STAB1: variants seen among roughly 807,000 people sequenced by gnomAD.
STAB1 encodes the protein stabilin-1.
Under a neutral mutation model 332.4 loss-of-function variants are expected in STAB1, and 250 were observed. The ratio of observed to expected loss-of-function variants is 0.75; its 90% CI spans 0.68 to 0.84. STAB1 has a LOEUF of 0.84. Ranked by LOEUF, STAB1 falls within the 40% of genes least tolerant of loss-of-function variation. STAB1 has a pLI of 0.00. For synonymous variants in STAB1, 1,475 were observed against 1,390.4 expected (o/e 1.06, Z -1.35); for missense variants, 3,249 against 3,489.7 (o/e 0.93, Z 1.74).
intron 19 of STAB1, 82 bp downstream of exon 19, chr3:52,507,757 G>A (rs1708983149): frequency 6.4e-7 from 1 of 1,570,248 alleles, no homozygotes; most frequent in African/African-American, 1.3e-5. Flanking sequence ...GTGGGTGGGG[G>A]AAGCAGAGGC....
rs372357732 is a variant in STAB1, at chr3:52,504,046, C to T, written c.1041C>T (p.Ser347=). 4 of 1,596,342 alleles carry T rather than the reference C, an allele frequency of 2.5e-6. No homozygotes were observed. The highest frequency in any genetic ancestry group is 1.8e-5 in the Admixed American group (1 of 57,034). ...DGKTSCVCRE[S]EVGDGRACYG... Reference sequence around the variant, plus strand: ...AGCCCAGCTGTGTGTGCAGGGAAAGCGAGGTGGGGGATGGGCGTGCCTGCT... The same window carrying T: ...AGCCCAGCTGTGTGTGCAGGGAAAGTGAGGTGGGGGATGGGCGTGCCTGCT... Residue 347 remains serine (S), a synonymous_variant, in exon 10 of 69, where the codon AGC becomes AGT. Coordinates refer to ENST00000321725, the MANE Select transcript of STAB1 (RefSeq NM_015136.3).
chr3:52,519,416 ACGG>A lies in STAB1; in HGVS notation c.5175+13_5175+15del. On this transcript the variant is annotated intron_variant, in intron 49 of 68. Transcript: ENST00000321725. Reference sequence around the variant, plus strand: ...CTCCCATCCCGAGGGTATGACAAGCACGGGCCTGGGAGCTGGAAGACAGGCAGG... The same window carrying A: ...CTCCCATCCCGAGGGTATGACAAGCAGCCTGGGAGCTGGAAGACAGGCAGG... The A allele has an allele frequency of 1.2e-6, 2 of 1,612,832 alleles. No individual in the cohort carries two copies. The highest frequency in any genetic ancestry group is 1.7e-6 in the Non-Finnish European group (2 of 1,179,756).
Position 52,519,584 on chromosome 3 carries a change from C to T in STAB1, c.5235+20C>T. The T allele has an allele frequency of 1.2e-6, 2 of 1,610,788 alleles. No individual in the cohort carries two copies. The highest frequency in any genetic ancestry group is 1.7e-6 in the Non-Finnish European group (2 of 1,178,806). ...CTGAAGGTACTGCTCCCGTGTGGGC[C>T]TGTCATTGTGGACACACATGCACGT... On this transcript the variant is annotated intron_variant, in intron 50 of 68. Coordinates refer to ENST00000321725, the MANE Select transcript of STAB1 (RefSeq NM_015136.3).
At chr3:52,506,349 G>A in intron 17 of STAB1, 99 bp downstream of exon 17, 1 of 1,123,586 alleles carries the variant, frequency 8.9e-7, no homozygotes, top group South Asian at 1.3e-5. Flanking sequence ...GTGGTGGGCA[G>A]GACACTGCTA....
In STAB1 at chr3:52,495,511, A is replaced by G; in HGVS notation, c.78+20A>G. 2 of 1,318,092 alleles carry G rather than the reference A, an allele frequency of 1.5e-6. No homozygotes were observed. The highest frequency in any genetic ancestry group is 2.8e-5 in the South Asian group (1 of 35,722). The allele number at this position is 1,318,092 out of a possible 1,614,324, so 81.6% of individuals were successfully genotyped here. ...GGGCAGGTAAGTGTGAGCCAGTCGC[A>G]GGGGCACACGGCGTCTGGGCCCTGC... is the stretch of plus-strand genomic sequence containing the variant. On this transcript the variant is annotated intron_variant, in intron 1 of 68. Coordinates refer to ENST00000321725, the MANE Select transcript of STAB1 (RefSeq NM_015136.3).
intron 44 of STAB1, 72 bp downstream of exon 44, chr3:52,517,696 C>T: frequency 4.4e-6 from 7 of 1,578,172 alleles, no homozygotes; most frequent in Non-Finnish European, 6.1e-6. Context: ...CAGCCCTTCT[C>T]ACCTCCAGCA....
chr3:52,496,797 T>C (rs1708059409), intron 1 of STAB1, among the ~76,000 whole-genome samples: 1 of 152,186 alleles, frequency 6.6e-6, no homozygotes, highest in Non-Finnish European at 1.5e-5. Context: ...CAGAGACCTA[T>C]GGCTCTGACC....
rs1202128616 is a variant in STAB1 at position 52,517,139 on chromosome 3, G to C, written c.4489+30G>C. ...GACTAGGCCCCTAACCTGGGTTTAT[G>C]TTGGGCTAGGGGTCTGGCTTCAGTG... is the stretch of plus-strand genomic sequence containing the variant. On this transcript the variant is annotated intron_variant, in intron 42 of 68. Transcript: ENST00000321725. 3 of 1,520,496 alleles carry C rather than the reference G, an allele frequency of 2.0e-6. No homozygotes were observed. The Admixed American group carries it at 6.5e-5, about 33-fold the overall frequency. The allele number at this position is 1,520,496 out of a possible 1,614,324, so 94.2% of individuals were successfully genotyped here.
intron 5 of STAB1, 94 bp from the exon 6 acceptor site, chr3:52,502,538 C>T (rs914940969): frequency 2.6e-6 from 3 of 1,165,264 alleles, no homozygotes; most frequent in Non-Finnish European, 3.8e-6. Context: ...CCTGCCCGAG[C>T]TGAGTTCTAA....
intron 1 of STAB1, among the ~76,000 whole-genome samples, chr3:52,498,945 G>T (rs1708239148): frequency 6.6e-6 from 1 of 152,238 alleles, no homozygotes; most frequent in Non-Finnish European, 1.5e-5. Flanking sequence ...GACCGCAGAG[G>T]CATGAGCGGA....
chr3:52,511,718 G>A lies in STAB1; in HGVS notation c.2856G>A (p.Arg952=), dbSNP rs778551877. 12 of 1,603,854 alleles carry A rather than the reference G, an allele frequency of 7.5e-6. No individual in the cohort carries two copies. Among genetic ancestry groups the A allele is most frequent in the Non-Finnish European group, 1.0e-5 (12 of 1,174,476 alleles). ...GYQCSPIDPC[R]AGNGGCHGLA... ...AGTGCAGCCCCATCGACCCCTGCCG[G>A]GCAGGCAATGGCGGCTGCCACGGCC... Residue 952 remains arginine (R), a synonymous_variant, in exon 26 of 69, where the codon CGG becomes CGA. Coordinates refer to ENST00000321725, the MANE Select transcript of STAB1 (RefSeq NM_015136.3).
Position 52,509,894 on chromosome 3 carries a change from G to A in STAB1, c.2372G>A (p.Cys791Tyr), listed in dbSNP as rs1559690485. The A allele has an allele frequency of 1.2e-6, 2 of 1,613,068 alleles. No homozygotes were observed. Among genetic ancestry groups the A allele is most frequent in the Non-Finnish European group, 8.5e-7 (1 of 1,180,024 alleles). The change falls in exon 23 of 69, where the codon TGC becomes TAC. Residue 791 changes from cysteine (C) to tyrosine (Y), a missense_variant. By Grantham distance (194) the Cys-to-Tyr change is radical. Transcript: ENST00000321725. ...QEDCGCVHGL[C>Y]DNRPGSGGVC... is the part of the protein sequence containing the mutation. The stretch of plus-strand genomic sequence containing the variant: ...GACTGCGGCTGTGTCCATGGTCTCT[G>A]CGACAACCGCCCAGGCAGTGGGGGG...
intron 18 of STAB1, 149 bp from the exon 19 acceptor site, chr3:52,507,464 G>A: frequency 1.2e-6 from 1 of 827,382 alleles, no homozygotes; most frequent in Non-Finnish European, 1.9e-6. Flanking sequence ...CTCTGCCCCT[G>A]CTCTCCTCTG....
chr3:52,507,616 T>C lies in STAB1; in HGVS notation c.1993T>C (p.Ser665Pro), dbSNP rs1708971906. Residue 665 changes from serine to proline, a missense_variant, in exon 19 of 69, where the codon TCC becomes CCC. Transcript: ENST00000321725. ...SEEQHKIVAG[S>P]CVDCQALNTS... ...ATCCTGCCCCTGCCCTGCCCAGGGC[T>C]CCTGTGTGGACTGCCAAGCCCTGAA... 6.2e-7 allele frequency: 1 copy of C among 1,613,438 alleles called. No individual in the cohort carries two copies. Among genetic ancestry groups the C allele is most frequent in the African/African-American group, 1.3e-5 (1 of 74,908 alleles).
chr3:52,523,198 A>T (rs1024443799), intron 63 of STAB1, 24 bp from the exon 64 acceptor site: 4 of 1,612,684 alleles, frequency 2.5e-6, no homozygotes, highest in African/African-American at 1.3e-5. Context: ...GCCTGCTCAT[A>T]GTTCTGTCTT....
rs1224064317 is a variant in STAB1, at chr3:52,518,708, G to A, written c.4888-15G>A. ...GGCAGTCAGGGACCCCACTCCCCTC[G>A]CGACTCTGCTCCAGGATGAGCTGGC... On this transcript the variant is annotated splice_polypyrimidine_tract_variant and intron_variant, in intron 47 of 68. Coordinates refer to ENST00000321725, the MANE Select transcript of STAB1 (RefSeq NM_015136.3). The A allele has an allele frequency of 2.5e-6, 4 of 1,612,164 alleles. No homozygotes were observed. In the African/African-American group the frequency reaches 4.0e-5, roughly 16 times the overall value.
In STAB1 at chr3:52,524,304, C is replaced by G; in HGVS notation, c.7661C>G (p.Ser2554Ter). Reference protein sequence around the residue: ...SDTFCEPFDDSLLEEDFPDTQ... With the variant: ...SDTFCEPFDD ...CCACCAACCCTGCTCTTCTAGGACT[C>G]ACTGCTGGAGGAGGACTTCCCTGAC... The change falls in exon 69 of 69, where the codon TCA becomes TGA. Residue 2554 changes from serine to a stop codon, truncating the protein, a stop_gained. Coordinates refer to ENST00000321725, the MANE Select transcript of STAB1 (RefSeq NM_015136.3). LOFTEE classifies it high-confidence loss of function. 6.2e-7 allele frequency: 1 copy of G among 1,613,952 alleles called. No homozygotes were observed. The highest frequency in any genetic ancestry group is 8.5e-7 in the Non-Finnish European group (1 of 1,180,000).
chr3:52,516,925 C>A, intron 41 of STAB1, 59 bp from the exon 42 acceptor site: 1 of 1,606,418 alleles, frequency 6.2e-7, no homozygotes, highest in Non-Finnish European at 8.5e-7. Context: ...GCCCTCCTCT[C>A]CTGTCCTGCC....
In STAB1 at chr3:52,510,485, G is replaced by T; in HGVS notation, c.2765G>T (p.Cys922Phe). ...MRGGCHTDAL[C>F]SYVGPGQSRC... ...GGTGGCTGCCACACCGATGCCCTCT[G>T]CAGCTATGTGGGCCCCGGGCAGGTG... Residue 922 changes from cysteine to phenylalanine, a missense_variant, in exon 25 of 69, where the codon TGC becomes TTC. By Grantham distance (205) the Cys-to-Phe change is radical. Transcript: ENST00000321725. The T allele has an allele frequency of 1.2e-6, 2 of 1,613,574 alleles. No homozygotes were observed. The highest frequency in any genetic ancestry group is 1.7e-6 in the Non-Finnish European group (2 of 1,179,934).
Sources: allele counts gnomAD v4.1 joint callset (sites outside exome capture counted in the v4.1 genomes callset), GRCh38; gene constraint gnomAD v4.1.1; transcripts MANE v1.5; gene names NCBI Gene and HGNC (gene_info 2026-07-23, HGNC 2026-07-21).